Variants in ERI1 observed in about 807,000 individuals in gnomAD.
ERI1 encodes exoribonuclease 1.
Under a neutral mutation model 39.7 loss-of-function variants are expected in ERI1, and 39 were observed. That is an observed-to-expected ratio of 0.98 (90% confidence interval 0.76 to 1.28). The LOEUF (loss-of-function observed/expected upper bound fraction) is 1.28. Among genes scored for constraint, ERI1 ranks in the 50% most tolerant of loss-of-function variants. The pLI is 0.00. For synonymous variants in ERI1, 204 were observed against 149.6 expected (o/e 1.36, Z -2.65); for missense variants, 581 against 416.9 (o/e 1.39, Z -3.43).
chr8:9,068,664 T>C (rs562670664), intron 3 of ERI1, among the ~76,000 whole-genome samples: 1 of 152,160 alleles, frequency 6.6e-6, no homozygotes, highest in Non-Finnish European at 1.5e-5. Flanking sequence ...TGTGTCTGAG[T>C]TTATCTTCTT....
intron 6 of ERI1, among the ~76,000 whole-genome samples, chr8:9,022,141 A>G (rs1046210743): frequency 2.6e-5 from 4 of 151,902 alleles, no homozygotes; most frequent in East Asian, 1.9e-4. Flanking sequence ...AGTTACTGTA[A>G]GTTTTTGCTA....
At chr8:9,061,514 A>G (rs1326528493) in intron 3 of ERI1, among the ~76,000 whole-genome samples, 1 of 152,252 alleles carries the variant, frequency 6.6e-6, no homozygotes, top group African/African-American at 2.4e-5. Context: ...GTATTAGGGC[A>G]GTGGCGGCCG....
chr8:9,061,506 A>G (rs1347117927), intron 3 of ERI1, among the ~76,000 whole-genome samples: 1 of 152,240 alleles, frequency 6.6e-6, no homozygotes, highest in African/African-American at 2.4e-5. Flanking sequence ...CTCTGAAAGT[A>G]TTAGGGCAGT....
chr8:9,043,157 C>G (rs1798076511), intron 3 of ERI1, among the ~76,000 whole-genome samples: 1 of 152,218 alleles, frequency 6.6e-6, no homozygotes, highest in Non-Finnish European at 1.5e-5. Flanking sequence ...TGTTATTCTA[C>G]TTCTTCGTGT....
At chr8:9,016,784 C>T (rs1347502041) in intron 4 of ERI1, among the ~76,000 whole-genome samples, 1 of 152,166 alleles carries the variant, frequency 6.6e-6, no homozygotes, top group Non-Finnish European at 1.5e-5. Context: ...CTCCTGGGCT[C>T]AAGCGATTCT....
At chr8:9,003,860 A>G (rs1288577284) in intron 1 of ERI1, among the ~76,000 whole-genome samples, 1 of 152,256 alleles carries the variant, frequency 6.6e-6, no homozygotes, top group Non-Finnish European at 1.5e-5. Flanking sequence ...AACACTTCGT[A>G]AAGCTTCATA....
chr8:9,068,185 T>C (rs184151156), intron 3 of ERI1, among the ~76,000 whole-genome samples: 19 of 152,328 alleles, frequency 1.2e-4, no homozygotes, highest in Non-Finnish European at 8.8e-5. Context: ...TCTAAAATAG[T>C]ATTATATACA....
intron 6 of ERI1, among the ~76,000 whole-genome samples, chr8:9,021,629 C>T (rs1236296308): frequency 6.6e-6 from 1 of 152,058 alleles, no homozygotes; most frequent in East Asian, 1.9e-4. Flanking sequence ...TGGAGTTAAC[C>T]CTAATTCTTC....
At chr8:9,035,388 G>A (rs562940418), downstream of ERI1, among the ~76,000 whole-genome samples, 4 of 152,330 alleles carry the variant, frequency 2.6e-5, no homozygotes, top group East Asian at 7.7e-4. Flanking sequence ...AATGTAGCTG[G>A]TTTAAGTTGA....
At chr8:9,077,183 A>C (rs183648928) in intron 3 of ERI1, among the ~76,000 whole-genome samples, 2 of 152,354 alleles carry the variant, frequency 1.3e-5, no homozygotes, top group East Asian at 3.9e-4. Context: ...CCATATCATC[A>C]GATTAATAAT....
downstream of ERI1, among the ~76,000 whole-genome samples, chr8:9,034,607 A>G (rs190903540): frequency 5.4e-4 from 82 of 152,280 alleles, 1 homozygote; most frequent in Non-Finnish European, 1.0e-3. Context: ...TAATTGATAA[A>G]TGTCTGTGTT....
intron 3 of ERI1, among the ~76,000 whole-genome samples, chr8:9,060,044 T>A (rs1798642079): frequency 6.6e-6 from 1 of 152,204 alleles, no homozygotes; most frequent in South Asian, 2.1e-4. Context: ...TGTCCAGTCC[T>A]TTTTAAGTTG....
intron 3 of ERI1, among the ~76,000 whole-genome samples, chr8:9,047,370 G>A (rs577516183): frequency 6.6e-6 from 1 of 152,278 alleles, no homozygotes; most frequent in African/African-American, 2.4e-5. Flanking sequence ...CACTTCTGTG[G>A]CCACAGAGTG....
chr8:9,027,180 T>TC (rs1797233760), intron 6 of ERI1, among the ~76,000 whole-genome samples: 1 of 151,590 alleles, frequency 6.6e-6, no homozygotes, highest in African/African-American at 2.4e-5. Context: ...TGTGTGTGTT[T>TC]ATGGCCATTC....
intron 6 of ERI1, among the ~76,000 whole-genome samples, chr8:9,023,289 T>G (rs1201584603): frequency 6.6e-6 from 1 of 152,218 alleles, no homozygotes; most frequent in Admixed American, 6.5e-5. Context: ...GAATGTGGTT[T>G]CAGAGGTGTC....
intron 1 of ERI1, among the ~76,000 whole-genome samples, chr8:9,003,591 A>G (rs1563301793): frequency 1.3e-5 from 2 of 152,074 alleles, no homozygotes; most frequent in Non-Finnish European, 2.9e-5. Context: ...TTTAAAAAGC[A>G]CTCACCAGCA....
intron 1 of ERI1, among the ~76,000 whole-genome samples, chr8:9,003,670 A>G (rs532051260): frequency 5.1e-4 from 78 of 152,302 alleles, no homozygotes; most frequent in African/African-American, 1.8e-3. Flanking sequence ...GGTGTCTCAT[A>G]TAACCATAGT....
intron 6 of ERI1, among the ~76,000 whole-genome samples, chr8:9,026,434 T>C (rs1278950270): frequency 1.3e-5 from 2 of 152,148 alleles, no homozygotes; most frequent in East Asian, 3.9e-4. Context: ...CTTCTGTCTC[T>C]ATCAGTTTGA....
At chr8:9,097,088 TC>T (rs1175398200) in intron 3 of ERI1, among the ~76,000 whole-genome samples, 4 of 151,924 alleles carry the variant, frequency 2.6e-5, no homozygotes, top group Admixed American at 6.6e-5. Flanking sequence ...CCTCTGGAAG[TC>T]CCCCTTTCTT....
Sources: allele counts gnomAD v4.1 joint callset (sites outside exome capture counted in the v4.1 genomes callset), GRCh38; gene constraint gnomAD v4.1.1; transcripts MANE v1.5; gene names NCBI Gene and HGNC (gene_info 2026-07-23, HGNC 2026-07-21).